Variants in SLC22A25 observed in about 807,000 individuals in gnomAD.
The protein encoded by SLC22A25 is solute carrier family 22 member 25.
A neutral mutation model predicts 45.9 loss-of-function variants in SLC22A25; 44 were observed. The ratio of observed to expected loss-of-function variants is 0.96; its 90% CI spans 0.75 to 1.23. SLC22A25 has a LOEUF of 1.23. SLC22A25 is among the 50% of genes most tolerant of loss of function. The probability of loss-of-function intolerance (pLI) is 0.00; values close to 1 mark genes in which losing one functional copy is unlikely to be tolerated. For missense variants in SLC22A25, 800 were observed against 666.4 expected, an observed-to-expected ratio of 1.20 and a Z score of -2.21; for synonymous variants, 283 against 238.6, an observed-to-expected ratio of 1.19 and a Z score of -1.72.
intron 3 of SLC22A25, among the ~76,000 whole-genome samples, chr11:63,230,658 AT>A (rs2090050354): frequency 6.6e-6 from 1 of 152,032 alleles, no homozygotes; most frequent in South Asian, 2.1e-4. Flanking sequence ...TTATTTATTT[AT>A]TTTTATTATA....
Position 63,217,723 on chromosome 11 carries a change from C to T in SLC22A25, c.519G>A (p.Lys173=), listed in dbSNP as rs2089753842. The T allele has an allele frequency of 3.1e-6, 5 of 1,607,288 alleles. No individual in the cohort carries two copies. Among genetic ancestry groups the T allele is most frequent in the Non-Finnish European group, 4.2e-6 (5 of 1,178,286 alleles). The part of the protein sequence containing the change: ...YGHLSDRFGR[K]FVLRWSYLQL... ...GGAGGTAAGACCATCTGAGCACGAA[C>T]TTTCTCCCAAACCTGAGAAACAGGG... Residue 173 remains lysine (K), a synonymous_variant, in exon 6 of 12, where the codon AAG becomes AAA. Coordinates refer to ENST00000306494, the MANE Select transcript of SLC22A25 (RefSeq NM_199352.6).
intron 9 of SLC22A25, chr11:63,166,732 T>C (rs1353849079): frequency 3.0e-6 from 3 of 989,174 alleles, no homozygotes; most frequent in Middle Eastern, 5.2e-4. Flanking sequence ...GGGTACAGAT[T>C]GTATATTCAT....
intron 7 of SLC22A25, among the ~76,000 whole-genome samples, chr11:63,200,921 A>T (rs2089221343): frequency 6.6e-6 from 1 of 152,196 alleles, no homozygotes; most frequent in African/African-American, 2.4e-5. Flanking sequence ...CCACAAAAAG[A>T]ATAAAATGCC....
chr11:63,238,039 A>G (rs1288353076), intron 2 of SLC22A25, 27 bp from the exon 3 acceptor site: 4 of 152,296 alleles, frequency 2.6e-5, no homozygotes, highest in Non-Finnish European at 4.4e-5. Flanking sequence ...CCAGCATCGT[A>G]GAGTTTTATA....
chr11:63,228,689 C>T (rs1046126921), intron 4 of SLC22A25, 125 bp from the exon 5 acceptor site: 1 of 676,298 alleles, frequency 1.5e-6, no homozygotes, highest in African/African-American at 1.8e-5. Context: ...TCTGCATTAC[C>T]TGATATTCAC....
At position 63,217,409 on chromosome 11, in the gene SLC22A25, A is replaced by G. The variant is rs760697439; in HGVS notation, c.735T>C (p.His245=). Reference sequence around the variant, plus strand: ...CAAAAGCCAGGCTTCCCAGGGTTATATGTCCAATACTAGCAGCACAAAGTG... The same window carrying G: ...CAAAAGCCAGGCTTCCCAGGGTTATGTGTCCAATACTAGCAGCACAAAGTG... The part of the protein sequence containing the change: ...TLTLCAASIG[H]ITLGSLAFVI... Residue 245 remains histidine (H), a synonymous_variant, in exon 7 of 12, where the codon CAT becomes CAC. Transcript: ENST00000306494. The G allele has an allele frequency of 3.1e-6, 5 of 1,613,968 alleles. No individual in the cohort carries two copies. The Admixed American group carries it at 6.7e-5, about 22-fold the overall frequency.
Position 63,217,419 on chromosome 11 carries a change from C to T in SLC22A25, c.725G>A (p.Ser242Asn), listed in dbSNP as rs766194671. Residue 242 changes from serine (S) to asparagine (N), a missense_variant, in exon 7 of 12, where the codon AGT (serine) becomes AAT (asparagine). Transcript: ENST00000306494. ...MALTLTLCAA[S>N]IGHITLGSLA... is the part of the protein sequence containing the mutation. ...GCTTCCCAGGGTTATATGTCCAATA[C>T]TAGCAGCACAAAGTGTCAATGTCAA... is the stretch of plus-strand genomic sequence containing the variant. 1 of 1,614,074 alleles carries T rather than the reference C, an allele frequency of 6.2e-7. No individual in the cohort carries two copies. The highest frequency in any genetic ancestry group is 1.7e-5 in the Admixed American group (1 of 59,940).
At chr11:63,181,876 C>T (rs1408856564) in intron 8 of SLC22A25, among the ~76,000 whole-genome samples, 1 of 152,020 alleles carries the variant, frequency 6.6e-6, no homozygotes, top group African/African-American at 2.4e-5. Context: ...CTCAGTAGTA[C>T]AAATGCTAAA....
chr11:63,218,283 G>A, intron 5 of SLC22A25: 1 of 319,690 alleles, frequency 3.1e-6, no homozygotes, highest in South Asian at 2.8e-5. Flanking sequence ...CAACTTATAA[G>A]GGGGAGCTAA....
intron 9 of SLC22A25, among the ~76,000 whole-genome samples, chr11:63,173,022 G>A (rs2087945919): frequency 6.6e-6 from 1 of 152,072 alleles, no homozygotes; most frequent in African/African-American, 2.4e-5. Context: ...TATACAGCAT[G>A]GAATACTATG....
chr11:63,176,019 A>G (rs1157363713), intron 9 of SLC22A25, among the ~76,000 whole-genome samples: 1 of 152,078 alleles, frequency 6.6e-6, no homozygotes, highest in East Asian at 1.9e-4. Context: ...CACAAAGATC[A>G]GTTGACTGTA....
rs575128546 is a variant in SLC22A25, at chr11:63,208,761, G to A, written c.830+8553C>T. On this transcript the variant is annotated intron_variant, in intron 7 of 11. Transcript: ENST00000306494. ...GGCTGTGTGCTTGGAGGTGAGTGTG[G>A]GGGAAATTAGAACTAGGATGCTGCA... Among the ~76,000 whole-genome samples the A allele has an allele frequency of 3.7e-3, 568 of 152,204 alleles. 5 individuals are homozygous for A. Among genetic ancestry groups the A allele is most frequent in the African/African-American group, 0.013 (535 of 41,538 alleles).
intron 3 of SLC22A25, among the ~76,000 whole-genome samples, 142 bp from the exon 4 acceptor site, chr11:63,230,238 C>A (rs1272934704): frequency 3.9e-5 from 6 of 152,120 alleles, no homozygotes; most frequent in African/African-American, 1.4e-4. Flanking sequence ...CTGCTTCATG[C>A]CAAAGCATAC....
At chr11:63,166,372 G>C in intron 9 of SLC22A25, 114 bp from the exon 10 acceptor site, 1 of 1,461,364 alleles carries the variant, frequency 6.8e-7, no homozygotes, top group African/African-American at 1.4e-5. Flanking sequence ...AAGGCAGAGT[G>C]TGTTTTGTGG....
chr11:63,205,835 G>A (rs111832160), intron 7 of SLC22A25, among the ~76,000 whole-genome samples: 7,708 of 151,998 alleles, frequency 0.051, 267 homozygotes, highest in Non-Finnish European at 0.065. Context: ...ACCAAAACCC[G>A]TTGGAAACAC....
intron 7 of SLC22A25, among the ~76,000 whole-genome samples, chr11:63,211,878 GC>G (rs1379907774): frequency 9.2e-5 from 14 of 151,968 alleles, no homozygotes; most frequent in African/African-American, 3.4e-4. Flanking sequence ...GAGTGAACAG[GC>G]AACCTACAGA....
At chr11:63,240,213 T>A (rs1336625399) in intron 1 of SLC22A25, among the ~76,000 whole-genome samples, 1 of 152,092 alleles carries the variant, frequency 6.6e-6, no homozygotes, top group Non-Finnish European at 1.5e-5. Context: ...GATAAAAAAA[T>A]TACACTTTAT....
At chr11:63,180,257 A>T (rs926256407) in intron 9 of SLC22A25, among the ~76,000 whole-genome samples, 2 of 151,954 alleles carry the variant, frequency 1.3e-5, no homozygotes, top group Non-Finnish European at 2.9e-5. Context: ...GTGTTTTAGA[A>T]TTTTTTCTAT....
intron 7 of SLC22A25, among the ~76,000 whole-genome samples, chr11:63,201,724 C>G (rs971768594): frequency 6.6e-6 from 1 of 152,108 alleles, no homozygotes; most frequent in Admixed American, 6.5e-5. Context: ...AACAGACAAC[C>G]TACAGAATGG....
Sources: allele counts gnomAD v4.1 joint callset (sites outside exome capture counted in the v4.1 genomes callset), GRCh38; gene constraint gnomAD v4.1.1; transcripts MANE v1.5; gene names NCBI Gene and HGNC (gene_info 2026-07-23, HGNC 2026-07-21).